The following GABRA5 variants were observed in gnomAD, a reference collection of about 807,000 sequenced individuals.
The protein encoded by GABRA5 is gamma-aminobutyric acid type A receptor subunit alpha5.
A neutral mutation model predicts 47.3 loss-of-function variants in GABRA5; 18 were observed. That is an observed-to-expected ratio of 0.38 (90% CI 0.26 to 0.56). The LOEUF is 0.56. Among genes scored for constraint, GABRA5 ranks in the 20% least tolerant of loss-of-function variants. GABRA5 has a pLI of 0.71. For missense variants in GABRA5, 365 were observed against 599.3 expected (o/e 0.61, Z 4.08); for synonymous variants, 237 against 229.3 (o/e 1.03, Z -0.30).
intron 6 of GABRA5, among the ~76,000 whole-genome samples, chr15:26,901,416 G>A (rs140265179): frequency 0.02 from 3,069 of 152,240 alleles, 98 homozygotes; most frequent in African/African-American, 0.07. Context: ...GACATATGTC[G>A]TGGAGCATCT....
chr15:26,947,397 T>C (rs1396184528), intron 10 of GABRA5, among the ~76,000 whole-genome samples: 3 of 147,400 alleles, frequency 2.0e-5, no homozygotes, highest in African/African-American at 8.1e-5. Flanking sequence ...GTTCCTCTCT[T>C]TGTGTTCATG....
Position 26,949,182 on chromosome 15 carries a change from A to C in GABRA5, c.*949A>C, listed in dbSNP as rs1894584856. 1 of 152,224 alleles carries C rather than the reference A, an allele frequency of 6.6e-6. No homozygotes were observed. Among genetic ancestry groups the C allele is most frequent in the Non-Finnish European group, 1.5e-5 (1 of 68,042 alleles). 9.4% of individuals were successfully genotyped at this position (152,224 alleles called of 1,614,324 possible). Reference sequence around the variant, plus strand: ...ATATGAATCTTAAATGTTCATTAAAAAATAAAAAATGAACTGATCTTGTGG... The same window carrying C: ...ATATGAATCTTAAATGTTCATTAAACAATAAAAAATGAACTGATCTTGTGG... On this transcript the variant is annotated 3_prime_UTR_variant, in exon 11 of 11. Coordinates refer to ENST00000335625, the MANE Select transcript of GABRA5 (RefSeq NM_000810.4).
chr15:26,891,769 C>A (rs922522019), intron 6 of GABRA5, among the ~76,000 whole-genome samples: 1 of 152,246 alleles, frequency 6.6e-6, no homozygotes, highest in Non-Finnish European at 1.5e-5. Context: ...CACCCACCAC[C>A]GCGCTTCCGG....
chr15:26,897,217 G>A lies in GABRA5; in HGVS notation c.497+13660G>A, dbSNP rs1424792479. ...GTCCTAACCTCTCAGTTGTCAGAATGCGACTGCATTTGGCGAAGGGGTTCT... is the reference window on the plus strand; with the variant it reads ...GTCCTAACCTCTCAGTTGTCAGAATACGACTGCATTTGGCGAAGGGGTTCT... On this transcript the variant is annotated intron_variant, in intron 6 of 10. Coordinates refer to ENST00000335625, the MANE Select transcript of GABRA5 (RefSeq NM_000810.4). Among the ~76,000 whole-genome samples the A allele has an allele frequency of 2.0e-5, 3 of 152,098 alleles. 1 individual carries two copies. The highest frequency in any genetic ancestry group is 1.3e-4 in the Admixed American group (2 of 15,262).
chr15:26,872,427 C>T (rs187980770), intron 3 of GABRA5, among the ~76,000 whole-genome samples: 1 of 152,218 alleles, frequency 6.6e-6, no homozygotes, highest in African/African-American at 2.4e-5. Flanking sequence ...TCTTGGGCTC[C>T]CTGACTTGAA....
At chr15:26,884,041 C>A (rs903853237) in intron 6 of GABRA5, among the ~76,000 whole-genome samples, 14 of 151,550 alleles carry the variant, frequency 9.2e-5, no homozygotes, top group Non-Finnish European at 1.6e-4. Flanking sequence ...AAAAGAAATT[C>A]ACCCAGGCGA....
intron 6 of GABRA5, among the ~76,000 whole-genome samples, chr15:26,894,531 G>C (rs1198443780): frequency 6.6e-6 from 1 of 152,108 alleles, no homozygotes; most frequent in Non-Finnish European, 1.5e-5. Context: ...TTTGTCACCT[G>C]CTTGTAAGAG....
chr15:26,942,597 C>A (rs967620969), intron 9 of GABRA5, among the ~76,000 whole-genome samples: 1 of 152,154 alleles, frequency 6.6e-6, no homozygotes, highest in African/African-American at 2.4e-5. Context: ...TGCCTTAGTG[C>A]TGCAGAATCG....
intron 3 of GABRA5, chr15:26,877,621 A>G (rs1892630155): frequency 4.4e-6 from 2 of 454,474 alleles, no homozygotes; most frequent in Non-Finnish European, 8.8e-6. Context: ...TGCCTTCACT[A>G]GCACCCGTGG....
At chr15:26,939,025 A>C (rs1316873438) in intron 8 of GABRA5, among the ~76,000 whole-genome samples, 6 of 152,140 alleles carry the variant, frequency 3.9e-5, no homozygotes, top group Non-Finnish European at 5.9e-5. Context: ...GGAGCCCCCA[A>C]AGCCTGTTCT....
At chr15:26,935,191 T>C (rs561461884) in intron 7 of GABRA5, among the ~76,000 whole-genome samples, 18 of 152,308 alleles carry the variant, frequency 1.2e-4, no homozygotes, top group Admixed American at 3.9e-4. Context: ...CTTGGTGATG[T>C]CCAGCTGACG....
At chr15:26,890,165 C>A (rs774528280) in intron 6 of GABRA5, among the ~76,000 whole-genome samples, 6 of 152,032 alleles carry the variant, frequency 3.9e-5, no homozygotes, top group Non-Finnish European at 7.4e-5. Context: ...CTACGTATAT[C>A]CTTTGAACAA....
rs780382456 is a variant in GABRA5 at position 26,883,115 on chromosome 15, A to G, written c.209-51A>G. On this transcript the variant is annotated intron_variant, in intron 4 of 10. Transcript: ENST00000335625. The surrounding 1 kb of genome is among the most constrained non-coding windows in gnomAD (Gnocchi z 4.8). ...TGGACTGAGAGCACGAGAGTGTGCC[A>G]GACGCGCAGGGTGGGTCGGTGCAGC... The G allele has an allele frequency of 6.2e-6, 9 of 1,460,574 alleles. No homozygotes were observed. The highest frequency in any genetic ancestry group is 8.7e-6 in the Non-Finnish European group (9 of 1,039,736). 90.5% of individuals were successfully genotyped at this position (1,460,574 alleles called of 1,614,324 possible). A position where few individuals can be genotyped will look rare whatever the true frequency, so the allele number is the denominator to read the frequency against.
In GABRA5 at chr15:26,908,444, A is replaced by T. The variant is rs956246740; in HGVS notation, c.498-6359A>T. On this transcript the variant is annotated intron_variant, in intron 6 of 10. Transcript: ENST00000335625. ...AGGCACCAGAGTCAGGCTGCAGCCC[A>T]ATAGAAGAATATTGCCTGCCGTCAT... is the stretch of plus-strand genomic sequence containing the variant. Among the ~76,000 whole-genome samples the T allele has an allele frequency of 2.0e-5, 3 of 152,284 alleles. No individual in the cohort carries two copies. In the East Asian group the frequency reaches 5.8e-4, roughly 29 times the overall value.
At chr15:26,897,718 G>A (rs944937890) in intron 6 of GABRA5, among the ~76,000 whole-genome samples, 8 of 152,176 alleles carry the variant, frequency 5.3e-5, no homozygotes, top group African/African-American at 1.9e-4. Context: ...GGAACAAGAT[G>A]CCTCTCGTTA....
intron 7 of GABRA5, among the ~76,000 whole-genome samples, chr15:26,919,989 C>T (rs1893805991): frequency 6.6e-6 from 1 of 151,886 alleles, no homozygotes; most frequent in African/African-American, 2.4e-5. Flanking sequence ...TATGACATGA[C>T]TATTTATAAC....
chr15:26,892,968 C>T (rs1004102348), intron 6 of GABRA5, among the ~76,000 whole-genome samples: 1 of 140,250 alleles, frequency 7.1e-6, no homozygotes, highest in Non-Finnish European at 1.6e-5. Flanking sequence ...GTGTGTGGTG[C>T]GCGTGGGGGG....
Position 26,934,248 on chromosome 15 carries a change from TAAAAAAAA to T in GABRA5, c.581-2925_581-2918del, listed in dbSNP as rs776194243. 1.2e-4 allele frequency among the ~76,000 whole-genome samples: 13 copies of T among 112,950 alleles called. No individual in the cohort carries two copies. In the East Asian group the frequency reaches 1.7e-3, roughly 15 times the overall value. 74.1% of individuals were successfully genotyped at this position (112,950 alleles called of 152,430 possible). A position where few individuals can be genotyped will look rare whatever the true frequency, so the allele number is the denominator to read the frequency against. On this transcript the variant is annotated intron_variant, in intron 7 of 10. Transcript: ENST00000335625. ...GCCTGGGTGATAGAAAGAGAATGTT[TAAAAAAAA>T]AAAAAAAAAAAGAAAGAAAGAAAAA...
chr15:26,934,107 C>G (rs906010136), intron 7 of GABRA5, among the ~76,000 whole-genome samples: 4 of 151,964 alleles, frequency 2.6e-5, no homozygotes, highest in African/African-American at 9.7e-5. Context: ...GCAAAATTAT[C>G]CAGGCATGGT....
Sources: allele counts gnomAD v4.1 joint callset (sites outside exome capture counted in the v4.1 genomes callset), GRCh38; gene constraint gnomAD v4.1.1; non-coding constraint Gnocchi (gnomAD v3.1); transcripts MANE v1.5; gene names NCBI Gene and HGNC (gene_info 2026-07-23, HGNC 2026-07-21).